PHIP: variants seen among roughly 807,000 people sequenced by gnomAD.
PHIP encodes PHIP subunit of CUL4-Ring ligase complex.
In PHIP, 54 loss-of-function variants were observed where a neutral mutation model predicts 236.8. The observed-to-expected ratio is 0.23, with a 90% CI of 0.18 to 0.29. The LOEUF is 0.29. Ranked by LOEUF, PHIP falls within the 10% of genes least tolerant of loss-of-function variation. The probability of loss-of-function intolerance (pLI) is 1.00; values close to 1 mark genes in which losing one functional copy is unlikely to be tolerated. For missense variants in PHIP, 1,370 were observed against 2,190.8 expected, an observed-to-expected ratio of 0.63 and a Z score of 7.48; for synonymous variants, 756 against 718.9, an observed-to-expected ratio of 1.05 and a Z score of -0.83.
chr6:79,014,649 G>T (rs1770752435), intron 15 of PHIP, among the ~76,000 whole-genome samples: 1 of 151,762 alleles, frequency 6.6e-6, no homozygotes, highest in South Asian at 2.1e-4. Flanking sequence ...TTGATTAAAA[G>T]CAAGAAATGC....
At chr6:78,963,639 A>G (rs1766938488) in intron 29 of PHIP, among the ~76,000 whole-genome samples, 1 of 152,192 alleles carries the variant, frequency 6.6e-6, no homozygotes, top group Non-Finnish European at 1.5e-5. Context: ...TTCTAGAAAT[A>G]CTTCAATCAA....
intron 6 of PHIP, among the ~76,000 whole-genome samples, chr6:79,046,903 TAA>T (rs747732821): frequency 0.049 from 5,379 of 109,488 alleles, 92 homozygotes; most frequent in Middle Eastern, 0.08. Context: ...GTTTAAGAAT[TAA>T]AAAAAAAAAA....
At chr6:79,012,041 G>C (rs1258367197) in intron 15 of PHIP, among the ~76,000 whole-genome samples, 1 of 151,328 alleles carries the variant, frequency 6.6e-6, no homozygotes, top group African/African-American at 2.4e-5. Flanking sequence ...CACTTGAAAG[G>C]CTTTTTAACA....
chr6:79,047,547 A>T (rs1669410164), intron 6 of PHIP, among the ~76,000 whole-genome samples: 1 of 152,194 alleles, frequency 6.6e-6, no homozygotes, highest in African/African-American at 2.4e-5. Context: ...AGAGGTTTTA[A>T]GTCTGACAGA....
At chr6:78,948,391 A>G (rs928539046) in intron 35 of PHIP, among the ~76,000 whole-genome samples, 1 of 152,244 alleles carries the variant, frequency 6.6e-6, no homozygotes, top group African/African-American at 2.4e-5. Context: ...ACCAATAAAA[A>G]CACACACGTG....
intron 4 of PHIP, 24 bp downstream of exon 4, chr6:79,077,424 T>C (rs1293937298): frequency 1.3e-6 from 2 of 1,582,590 alleles, no homozygotes; most frequent in Non-Finnish European, 1.7e-6. Context: ...AAAGTTTCTT[T>C]GCTCTGCGAC....
chr6:79,070,842 A>G (rs1311294382), intron 4 of PHIP, among the ~76,000 whole-genome samples: 1 of 152,216 alleles, frequency 6.6e-6, no homozygotes, highest in Non-Finnish European at 1.5e-5. Context: ...GTTACAATGT[A>G]TTTTAAAAAT....
chr6:79,077,684 C>T lies in PHIP; in HGVS notation c.129+16G>A. 2 of 978,518 alleles carry T rather than the reference C, an allele frequency of 2.0e-6. No homozygotes were observed. Among genetic ancestry groups the T allele is most frequent in the Non-Finnish European group, 2.4e-6 (2 of 826,240 alleles). 60.6% of individuals were successfully genotyped at this position (978,518 alleles called of 1,614,324 possible). ...CCGCGCGGCGGCGGGACGCGCCGGG[C>T]CGCCGCCGCCCTTACCTCCTTCTCG... On this transcript the variant is annotated intron_variant, in intron 3 of 39. Coordinates refer to ENST00000275034, the MANE Select transcript of PHIP (RefSeq NM_017934.7).
chr6:79,009,941 A>G (rs1302467816), intron 15 of PHIP, among the ~76,000 whole-genome samples: 1 of 152,018 alleles, frequency 6.6e-6, no homozygotes, highest in East Asian at 1.9e-4. Flanking sequence ...TATGGTAAGA[A>G]GACCGAAAGT....
intron 7 of PHIP, among the ~76,000 whole-genome samples, chr6:79,040,490 T>C (rs1258351457): frequency 1.3e-5 from 2 of 152,162 alleles, no homozygotes; most frequent in Non-Finnish European, 2.9e-5. Flanking sequence ...ATTACCAAAT[T>C]GTTACCTCCA....
At chr6:78,962,968 C>T in intron 30 of PHIP, 129 bp downstream of exon 30, 2 of 686,180 alleles carry the variant, frequency 2.9e-6, no homozygotes, top group Non-Finnish European at 4.8e-6. Context: ...AAAAGAGATT[C>T]CACTTAAAAT....
At chr6:79,077,635 G>A (rs1774245880) in intron 3 of PHIP, 65 bp downstream of exon 3, 1 of 909,064 alleles carries the variant, frequency 1.1e-6, no homozygotes. Flanking sequence ...CGGCGGCAGC[G>A]GCGGCGCAGC....
rs192992957 is a variant in PHIP at position 78,937,403 on chromosome 6, A to T, written c.*3290T>A. On this transcript the variant is annotated 3_prime_UTR_variant, in exon 40 of 40. Transcript: ENST00000275034. ...AAAAATATTTGAATACATTTCTTAA[A>T]ATGTCTGATTCCTCTACTGCACTGC... 1 of 151,872 alleles carries T rather than the reference A, an allele frequency of 6.6e-6. No individual in the cohort carries two copies. Among genetic ancestry groups the T allele is most frequent in the East Asian group, 1.9e-4 (1 of 5,188 alleles). The allele number at this position is 151,872 out of a possible 1,614,324, so 9.4% of individuals were successfully genotyped here.
chr6:79,003,697 A>AT, intron 16 of PHIP, 33 bp downstream of exon 16: 1 of 1,482,530 alleles, frequency 6.7e-7, no homozygotes, highest in Non-Finnish European at 9.0e-7. Context: ...TTAAAAAAAA[A>AT]TAAGGACATG....
chr6:79,064,480 A>G (rs1262897012), intron 4 of PHIP, among the ~76,000 whole-genome samples: 1 of 152,176 alleles, frequency 6.6e-6, no homozygotes, highest in Non-Finnish European at 1.5e-5. Flanking sequence ...TCCCACACTC[A>G]TGACTTTACA....
rs928982153 is a variant in PHIP at position 78,946,328 on chromosome 6, A to AT, written c.4371-69dup. The AT allele has an allele frequency of 3.4e-6, 5 of 1,468,000 alleles. No homozygotes were observed. In the African/African-American group the frequency reaches 5.7e-5, roughly 17 times the overall value. The allele number at this position is 1,468,000 out of a possible 1,614,324, so 90.9% of individuals were successfully genotyped here. ...GTGAACGAATAAAACAGTTTATAAT[A>AT]TTTTTGGATTCAATATTTGTACTAT... On this transcript the variant is annotated intron_variant, in intron 37 of 39. Transcript: ENST00000275034.
At chr6:78,991,826 G>C (rs1446644759) in intron 19 of PHIP, among the ~76,000 whole-genome samples, 1 of 151,192 alleles carries the variant, frequency 6.6e-6, no homozygotes, top group Non-Finnish European at 1.5e-5. Flanking sequence ...GAAAAGAACA[G>C]GCTTGGATTT....
chr6:79,044,964 A>G (rs1241320023), intron 6 of PHIP, among the ~76,000 whole-genome samples: 1 of 152,194 alleles, frequency 6.6e-6, no homozygotes, highest in Non-Finnish European at 1.5e-5. Flanking sequence ...AATTGAAAAA[A>G]AAGAATAACC....
At chr6:79,029,567 T>C (rs926980152) in intron 7 of PHIP, among the ~76,000 whole-genome samples, 1 of 152,224 alleles carries the variant, frequency 6.6e-6, no homozygotes, top group African/African-American at 2.4e-5. Context: ...TCTTGCTCTG[T>C]TACCCTGGCT....
Sources: allele counts gnomAD v4.1 joint callset (sites outside exome capture counted in the v4.1 genomes callset), GRCh38; gene constraint gnomAD v4.1.1; transcripts MANE v1.5; gene names NCBI Gene and HGNC (gene_info 2026-07-23, HGNC 2026-07-21).